Variants in PTCHD1 observed in about 807,000 individuals in gnomAD.
The protein encoded by PTCHD1 is patched domain containing 1.
In PTCHD1, 3 loss-of-function variants were observed where a neutral mutation model predicts 34.6. The observed-to-expected ratio is 0.09, with a 90% confidence interval of 0.04 to 0.22. PTCHD1 has a LOEUF of 0.22. Among genes scored for constraint, PTCHD1 ranks in the 10% least tolerant of loss-of-function variants. The pLI is 1.00. For synonymous variants in PTCHD1, 305 were observed against 283.1 expected, an observed-to-expected ratio of 1.08 and a Z score of -0.77; for missense variants, 504 against 685.5, an observed-to-expected ratio of 0.74 and a Z score of 2.96.
At chrX:23,367,504 G>A (rs1922178091) in intron 1 of PTCHD1, among the ~76,000 whole-genome samples, 1 of 112,001 alleles carries the variant, frequency 8.9e-6, no homozygotes, top group African/African-American at 3.2e-5. Flanking sequence ...AGACAGCTTA[G>A]TAGAAGCTAT....
At chrX:23,352,256 T>C (rs1368684759) in intron 1 of PTCHD1, among the ~76,000 whole-genome samples, 1 of 111,848 alleles carries the variant, frequency 8.9e-6, no homozygotes, top group Non-Finnish European at 1.9e-5. Flanking sequence ...AAATGAGTCT[T>C]GTCAAGTGCT....
intron 1 of PTCHD1, among the ~76,000 whole-genome samples, chrX:23,339,055 T>C (rs1418232138): frequency 8.9e-6 from 1 of 111,823 alleles, no homozygotes; most frequent in Non-Finnish European, 1.9e-5. Flanking sequence ...GTGCTGCTCA[T>C]TGGCAGGGTC....
At chrX:23,341,827 G>A (rs1045577126) in intron 1 of PTCHD1, among the ~76,000 whole-genome samples, 2 of 112,624 alleles carry the variant, frequency 1.8e-5, no homozygotes, top group Non-Finnish European at 3.8e-5. Context: ...TGAGGAACTA[G>A]AAAAAGCTAT....
intron 2 of PTCHD1, among the ~76,000 whole-genome samples, chrX:23,388,774 C>G (rs183352905): frequency 2.0e-4 from 22 of 110,351 alleles, no homozygotes; most frequent in African/African-American, 7.3e-4. Flanking sequence ...GAGGCTGCAG[C>G]GAGCAGAGAT....
chrX:23,336,195 GT>G (rs1292519334), intron 1 of PTCHD1, among the ~76,000 whole-genome samples: 2 of 112,220 alleles, frequency 1.8e-5, no homozygotes, highest in East Asian at 5.6e-4. Context: ...AAGCAGAGGA[GT>G]GAGGACTAGA....
At chrX:23,349,205 A>G (rs139148354) in intron 1 of PTCHD1, among the ~76,000 whole-genome samples, 3,541 of 111,609 alleles carry the variant, frequency 0.032, 158 homozygotes, top group African/African-American at 0.11. Flanking sequence ...GAGAAGGCAG[A>G]AAAAGAGGAG....
intron 1 of PTCHD1, among the ~76,000 whole-genome samples, chrX:23,376,971 C>T (rs957680187): frequency 5.4e-5 from 6 of 111,846 alleles, no homozygotes; most frequent in African/African-American, 1.6e-4. Context: ...TTGTAGTACG[C>T]GGGTTAACAT....
chrX:23,354,436 G>C (rs1337440533), intron 1 of PTCHD1, among the ~76,000 whole-genome samples: 1 of 104,424 alleles, frequency 9.6e-6, no homozygotes, highest in Non-Finnish European at 1.9e-5. Flanking sequence ...TACACAGAGA[G>C]AGAGAGAGAG....
intron 1 of PTCHD1, among the ~76,000 whole-genome samples, chrX:23,357,944 G>A (rs1328872032): frequency 2.7e-5 from 3 of 111,300 alleles, no homozygotes; most frequent in Non-Finnish European, 5.7e-5. Context: ...TTTGCTGAGA[G>A]TAATGGTTTC....
chrX:23,357,182 G>C (rs897567202), intron 1 of PTCHD1, among the ~76,000 whole-genome samples: 2 of 111,683 alleles, frequency 1.8e-5, no homozygotes, highest in African/African-American at 6.5e-5. Flanking sequence ...TTCTCCCACA[G>C]AACAGTAAGG....
intron 1 of PTCHD1, among the ~76,000 whole-genome samples, chrX:23,342,717 C>A (rs759722429): frequency 1.8e-4 from 20 of 111,035 alleles, no homozygotes; most frequent in South Asian, 7.7e-4. Context: ...TTCATTCTCA[C>A]CTTTATGAAT....
At chrX:23,374,619 T>C (rs1383106635) in intron 1 of PTCHD1, among the ~76,000 whole-genome samples, 1 of 106,541 alleles carries the variant, frequency 9.4e-6, no homozygotes, top group African/African-American at 3.6e-5. Context: ...TTTTTTTTTT[T>C]CCAGTAAACC....
At chrX:23,357,512 C>A (rs1468329735) in intron 1 of PTCHD1, among the ~76,000 whole-genome samples, 1 of 111,039 alleles carries the variant, frequency 9.0e-6, no homozygotes, top group Non-Finnish European at 1.9e-5. Flanking sequence ...AAATTCCACC[C>A]ATGAGTCTAT....
At position 23,395,459 on chromosome X, in the gene PTCHD1, G is replaced by T. The variant is rs1922964960; in HGVS notation, c.*1274G>T. On this transcript the variant is annotated 3_prime_UTR_variant, in exon 3 of 3. Coordinates refer to ENST00000379361, the MANE Select transcript of PTCHD1 (RefSeq NM_173495.3). The stretch of plus-strand genomic sequence containing the variant: ...TATTCACTGATACAAATCTATCAAT[G>T]ATGGCAGTCCAATTCTCTTGCTAAA... 1 of 111,754 alleles carries T rather than the reference G, an allele frequency of 8.9e-6. No homozygotes were observed. The highest frequency in any genetic ancestry group is 9.5e-5 in the Admixed American group (1 of 10,534). The allele number at this position is 111,754 out of a possible 1,213,427, so 9.2% of individuals were successfully genotyped here. A position where few individuals can be genotyped will look rare whatever the true frequency, so the allele number is the denominator to read the frequency against.
intron 1 of PTCHD1, among the ~76,000 whole-genome samples, chrX:23,360,953 G>T (rs5925757): frequency 0.44 from 48,719 of 110,905 alleles, 8,148 homozygotes; most frequent in Non-Finnish European, 0.51. Flanking sequence ...CTGTAGTTGC[G>T]TGGTTTTGAG....
chrX:23,383,872 G>T (rs1486369787), intron 2 of PTCHD1, among the ~76,000 whole-genome samples: 1 of 112,410 alleles, frequency 8.9e-6, no homozygotes, highest in Non-Finnish European at 1.9e-5. Context: ...ATATCAAGTA[G>T]TGAGTTACTT....
chrX:23,349,920 T>C (rs2146615821), intron 1 of PTCHD1, among the ~76,000 whole-genome samples: 1 of 109,429 alleles, frequency 9.1e-6, no homozygotes, highest in South Asian at 4.1e-4. Flanking sequence ...GATAGGGAGA[T>C]GCCTTCTGTG....
intron 1 of PTCHD1, among the ~76,000 whole-genome samples, chrX:23,342,288 ATATATATATATATATATATATAT>A (rs1199049114): frequency 0.039 from 291 of 7,476 alleles, 7 homozygotes; most frequent in African/African-American, 0.058. Flanking sequence ...ATATATATAT[ATATATATATATATATATATATAT>A]TTTTTTTTTT....
chrX:23,363,880 A>G (rs1204066301), intron 1 of PTCHD1, among the ~76,000 whole-genome samples: 2 of 112,718 alleles, frequency 1.8e-5, no homozygotes, highest in African/African-American at 6.5e-5. Flanking sequence ...GCATATGTCT[A>G]CCAAAGGCTA....
Sources: allele counts gnomAD v4.1 joint callset (sites outside exome capture counted in the v4.1 genomes callset), GRCh38; gene constraint gnomAD v4.1.1; transcripts MANE v1.5; gene names NCBI Gene and HGNC (gene_info 2026-07-23, HGNC 2026-07-21).